The following RABGAP1L variants were observed in gnomAD, a reference collection of about 807,000 sequenced individuals.
The protein encoded by RABGAP1L is rab GTPase-activating protein 1-like.
Under a neutral mutation model 137.7 loss-of-function variants are expected in RABGAP1L, and 63 were observed. That is an observed-to-expected ratio of 0.46 (90% confidence interval 0.37 to 0.56). RABGAP1L has a LOEUF of 0.56. RABGAP1L is among the 20% of genes least tolerant of loss of function. The pLI, the probability that RABGAP1L is intolerant of heterozygous loss-of-function variation, is 0.00. For synonymous variants in RABGAP1L, 431 were observed against 433.7 expected (o/e 0.99, Z 0.08); for missense variants, 1,095 against 1,244.0 (o/e 0.88, Z 1.80).
intron 17 of RABGAP1L, among the ~76,000 whole-genome samples, chr1:174,717,844 A>AT (rs1427243591): frequency 2.6e-5 from 4 of 152,216 alleles, no homozygotes; most frequent in South Asian, 2.1e-4. Context: ...ACAGTCCAAT[A>AT]CTAAAAGAAA....
At chr1:174,765,306 C>T (rs538196777) in intron 18 of RABGAP1L, among the ~76,000 whole-genome samples, 9 of 152,312 alleles carry the variant, frequency 5.9e-5, no homozygotes, top group East Asian at 1.9e-4. Flanking sequence ...ACCCTGAATG[C>T]GCCCGATCTC....
At chr1:174,260,186 T>G (rs1673468339) in intron 7 of RABGAP1L, among the ~76,000 whole-genome samples, 1 of 150,970 alleles carries the variant, frequency 6.6e-6, no homozygotes, top group Non-Finnish European at 1.5e-5. Context: ...TTAAGTAACT[T>G]TGGTTACTTG....
intron 18 of RABGAP1L, chr1:174,799,778 C>A: frequency 1.1e-6 from 1 of 872,970 alleles, no homozygotes; most frequent in Non-Finnish European, 1.4e-6. Flanking sequence ...GCAGCAGTAG[C>A]AGCAGCAGCA....
At chr1:174,777,729 T>G (rs1415561892) in intron 18 of RABGAP1L, among the ~76,000 whole-genome samples, 5 of 152,036 alleles carry the variant, frequency 3.3e-5, no homozygotes, top group African/African-American at 1.2e-4. Context: ...GAGATAAAAA[T>G]TACAATGTCT....
At chr1:174,608,915 T>C (rs1317563507) in intron 13 of RABGAP1L, among the ~76,000 whole-genome samples, 2 of 152,166 alleles carry the variant, frequency 1.3e-5, no homozygotes, top group African/African-American at 4.8e-5. Context: ...GCCCAAACAA[T>C]GGTTAGTTTG....
chr1:174,385,973 G>A (rs532040318), intron 12 of RABGAP1L, among the ~76,000 whole-genome samples: 4 of 152,160 alleles, frequency 2.6e-5, no homozygotes, highest in African/African-American at 9.7e-5. Context: ...ATTAAAATGG[G>A]CAATATAGCA....
chr1:174,660,377 A>G (rs1676284049), intron 14 of RABGAP1L, among the ~76,000 whole-genome samples: 1 of 152,180 alleles, frequency 6.6e-6, no homozygotes, highest in African/African-American at 2.4e-5. Flanking sequence ...TTTTGCAACC[A>G]TGGAATGGTC....
In RABGAP1L at chr1:174,550,895, T is replaced by TATATATAC. The variant is rs1456087584; in HGVS notation, c.1711-86479_1711-86478insTATATACA. ...ATATATATATATATATATATATATATACACACACACATATACACACACACA... is the reference window on the plus strand; with the variant it reads ...ATATATATATATATATATATATATATATATATACACACACACACATATACACACACACA... On this transcript the variant is annotated intron_variant, in intron 13 of 25. Coordinates refer to ENST00000681986, the MANE Select transcript of RABGAP1L (RefSeq NM_001366446.1). Among the ~76,000 whole-genome samples, 139 of 50,888 alleles carry TATATATAC rather than the reference T, an allele frequency of 2.7e-3. 1 individual carries two copies. The highest frequency in any genetic ancestry group is 1.0e-2 in the East Asian group (16 of 1,604). The allele number at this position is 50,888 out of a possible 152,430, so 33.4% of individuals were successfully genotyped here.
intron 13 of RABGAP1L, among the ~76,000 whole-genome samples, chr1:174,608,577 A>G (rs1341702506): frequency 6.6e-6 from 1 of 152,194 alleles, no homozygotes; most frequent in African/African-American, 2.4e-5. Context: ...AAAATGTGGG[A>G]TGGAGGATCA....
At chr1:174,934,713 C>T (rs1165591668) in intron 19 of RABGAP1L, among the ~76,000 whole-genome samples, 2 of 152,122 alleles carry the variant, frequency 1.3e-5, no homozygotes, top group Middle Eastern at 3.2e-3. Flanking sequence ...ATGGCTTGAG[C>T]CCAGGAGGTC....
rs1672247059 is a variant in RABGAP1L at position 174,994,355 on chromosome 1, T to C, written c.*4354T>C. 1 of 152,218 alleles carries C rather than the reference T, an allele frequency of 6.6e-6. No individual in the cohort carries two copies. The highest frequency in any genetic ancestry group is 1.5e-5 in the Non-Finnish European group (1 of 68,040). The allele number at this position is 152,218 out of a possible 1,614,324, so 9.4% of individuals were successfully genotyped here. On this transcript the variant is annotated 3_prime_UTR_variant, in exon 26 of 26. Transcript: ENST00000681986. ...CAGTTTGCATCTAAAAGACTACATA[T>C]GTCAAGCTTATCTCCACCTGAATTT...
chr1:174,880,079 G>A lies in RABGAP1L; in HGVS notation c.2340+68119G>A, dbSNP rs558753819. 9.0e-4 allele frequency among the ~76,000 whole-genome samples: 130 copies of A among 145,242 alleles called. 2 individuals are homozygous for A. In the East Asian group the frequency reaches 0.018, roughly 20 times the overall value. The stretch of plus-strand genomic sequence containing the variant: ...GACTCTGTCTCAAAAAAAAAAAAAG[G>A]AAAAAAAAACACCATAATATCTTTC... On this transcript the variant is annotated intron_variant, in intron 19 of 25. Coordinates refer to ENST00000681986, the MANE Select transcript of RABGAP1L (RefSeq NM_001366446.1).
intron 7 of RABGAP1L, among the ~76,000 whole-genome samples, chr1:174,267,850 G>A (rs765236453): frequency 2.2e-4 from 33 of 152,124 alleles, no homozygotes; most frequent in Non-Finnish European, 3.5e-4. Flanking sequence ...AATTTTTAAA[G>A]GTTACTGAAG....
intron 13 of RABGAP1L, among the ~76,000 whole-genome samples, chr1:174,456,704 T>C (rs1375109519): frequency 6.6e-6 from 1 of 152,166 alleles, no homozygotes; most frequent in African/African-American, 2.4e-5. Flanking sequence ...AAACACAAAA[T>C]TGCCTTGTAA....
At chr1:174,275,789 T>C in intron 8 of RABGAP1L, 44 bp from the exon 9 acceptor site, 1 of 1,432,416 alleles carries the variant, frequency 7.0e-7, no homozygotes, top group Non-Finnish European at 9.7e-7. Context: ...AGTAGTGATT[T>C]TTTTGATGTC....
At chr1:174,492,640 G>A (rs192736448) in intron 13 of RABGAP1L, among the ~76,000 whole-genome samples, 3 of 152,036 alleles carry the variant, frequency 2.0e-5, no homozygotes, top group South Asian at 2.1e-4. Context: ...ATGAGCCACC[G>A]TGCCTGGTCT....
chr1:174,907,553 G>A (rs1351922705), intron 19 of RABGAP1L, among the ~76,000 whole-genome samples: 1 of 151,984 alleles, frequency 6.6e-6, no homozygotes, highest in Non-Finnish European at 1.5e-5. Context: ...GGACTCAAAT[G>A]ATCCACCCAC....
intron 19 of RABGAP1L, among the ~76,000 whole-genome samples, chr1:174,919,836 A>G (rs953252385): frequency 1.6e-4 from 24 of 152,238 alleles, no homozygotes; most frequent in African/African-American, 5.5e-4. Context: ...AGCCTGGACA[A>G]CATAGACCTT....
At position 174,642,739 on chromosome 1, in the gene RABGAP1L, C is replaced by CT. The variant is rs143130759; in HGVS notation, c.1824+5252dup. 1.8e-3 allele frequency among the ~76,000 whole-genome samples: 243 copies of CT among 134,676 alleles called. 1 individual carries two copies. The highest frequency in any genetic ancestry group is 6.7e-3 in the African/African-American group (231 of 34,612). The allele number at this position is 134,676 out of a possible 152,430, so 88.4% of individuals were successfully genotyped here. A position where few individuals can be genotyped will look rare whatever the true frequency, so the allele number is the denominator to read the frequency against. ...CTCTCTCTCTCTCTCCTCTCCCCCT[C>CT]TCCCCCTCTCCCCTTCTTCCCCTCT... On this transcript the variant is annotated intron_variant, in intron 14 of 25. Coordinates refer to ENST00000681986, the MANE Select transcript of RABGAP1L (RefSeq NM_001366446.1).
Sources: allele counts gnomAD v4.1 joint callset (sites outside exome capture counted in the v4.1 genomes callset), GRCh38; gene constraint gnomAD v4.1.1; transcripts MANE v1.5; gene names NCBI Gene and HGNC (gene_info 2026-07-23, HGNC 2026-07-21).